The following AP1M2 variants were observed in gnomAD, a reference collection of about 807,000 sequenced individuals.
AP1M2 encodes AP-1 complex subunit mu-2.
In AP1M2, 41 loss-of-function variants were observed where a neutral mutation model predicts 54.6. The ratio of observed to expected loss-of-function variants is 0.75; its 90% confidence interval spans 0.59 to 0.97. The LOEUF (loss-of-function observed/expected upper bound fraction) is 0.97. Among genes scored for constraint, AP1M2 ranks in the 50% least tolerant of loss-of-function variants. The pLI, the probability that AP1M2 is intolerant of heterozygous loss-of-function variation, is 0.00. For synonymous variants in AP1M2, 219 were observed against 215.9 expected, an observed-to-expected ratio of 1.01 and a Z score of -0.13; for missense variants, 507 against 561.2, an observed-to-expected ratio of 0.90 and a Z score of 0.98.
chr19:10,581,976 C>T (rs1019223000), intron 3 of AP1M2, 98 bp from the exon 4 acceptor site: 27 of 1,348,600 alleles, frequency 2.0e-5, no homozygotes, highest in Admixed American at 5.2e-5. Context: ...GGCCAAGGCA[C>T]GAGGATCACT....
chr19:10,572,714 C>T lies in AP1M2; in HGVS notation c.*352G>A, dbSNP rs567505146. 2.4e-5 allele frequency: 6 copies of T among 250,338 alleles called. No individual in the cohort carries two copies. In the South Asian group the frequency reaches 4.0e-4, roughly 17 times the overall value. The allele number at this position is 250,338 out of a possible 1,614,324, so 15.5% of individuals were successfully genotyped here. A position where few individuals can be genotyped will look rare whatever the true frequency, so the allele number is the denominator to read the frequency against. On this transcript the variant is annotated 3_prime_UTR_variant, in exon 12 of 12. Transcript: ENST00000250244. The stretch of plus-strand genomic sequence containing the variant: ...GACATCCTAAAATTCAGAGGAGGGG[C>T]CAGCGGGACCTCTGGGCTCAGCGGC...
At chr19:10,577,161 T>A in intron 9 of AP1M2, 37 bp downstream of exon 9, 134 of 1,401,006 alleles carry the variant, frequency 9.6e-5, no homozygotes, top group Non-Finnish European at 1.2e-4. Flanking sequence ...TCCAGTCCCC[T>A]CCACCCCCAG....
chr19:10,575,039 C>G lies in AP1M2; in HGVS notation c.1048-10G>C. 6.7e-7 allele frequency: 1 copy of G among 1,488,992 alleles called. No homozygotes were observed. Among genetic ancestry groups the G allele is most frequent in the South Asian group, 1.4e-5 (1 of 73,566 alleles). 92.2% of individuals were successfully genotyped at this position (1,488,992 alleles called of 1,614,324 possible). The stretch of plus-strand genomic sequence containing the variant: ...AGTACTCCTTGCCCCCCTGAGGGAA[C>G]ATGGGGGCATCAGGTACACGAGGGT... On this transcript the variant is annotated splice_polypyrimidine_tract_variant and intron_variant, in intron 9 of 11. Transcript: ENST00000250244.
chr19:10,581,357 G>A lies in AP1M2; in HGVS notation c.582C>T (p.Ile194=), dbSNP rs375519564. Residue 194 remains isoleucine, a synonymous_variant, in exon 6 of 12, where the codon ATC becomes ATT. Transcript: ENST00000250244. ...ACACCTTGAGCTTGATGGTACCGAC[G>A]ATTTCGCTCAGAAGGACGCTGCCGT... ...NANGSVLLSE[I]VGTIKLKVFL... The A allele has an allele frequency of 6.2e-6, 10 of 1,613,240 alleles. No individual in the cohort carries two copies. Among genetic ancestry groups the A allele is most frequent in the Admixed American group, 1.7e-5 (1 of 59,974 alleles).
chr19:10,581,840 G>A lies in AP1M2; in HGVS notation c.306C>T (p.Ser102=), dbSNP rs761877447. 4.3e-6 allele frequency: 7 copies of A among 1,613,794 alleles called. No homozygotes were observed. The highest frequency in any genetic ancestry group is 5.9e-6 in the Non-Finnish European group (7 of 1,179,952). ...AGACGATGACAAAGTTGTCCCGGAT[G>A]CTCTCCTCCTCCAGCTCCTTGAAGT... ...CEYFKELEEE[S]IRDNFVIVYE... Residue 102 remains serine, a synonymous_variant, in exon 4 of 12, where the codon AGC becomes AGT. Transcript: ENST00000250244.
chr19:10,583,173 GGTC>G (rs1372752700), intron 3 of AP1M2, among the ~76,000 whole-genome samples: 1 of 151,618 alleles, frequency 6.6e-6, no homozygotes, highest in Non-Finnish European at 1.5e-5. Flanking sequence ...ACTTGCTCAA[GGTC>G]ACACAGTGAG....
At chr19:10,578,082 A>G (rs1212773393) in intron 8 of AP1M2, among the ~76,000 whole-genome samples, 1 of 152,128 alleles carries the variant, frequency 6.6e-6, no homozygotes, top group Non-Finnish European at 1.5e-5. Context: ...TGCTGTCCAC[A>G]TGGAAGGCAC....
intron 8 of AP1M2, among the ~76,000 whole-genome samples, chr19:10,578,063 G>A (rs984981811): frequency 1.3e-5 from 2 of 152,140 alleles, no homozygotes; most frequent in Admixed American, 6.6e-5. Flanking sequence ...ATCAGGCAAA[G>A]GTGTATGGTG....
At position 10,583,613 on chromosome 19, in the gene AP1M2, G is replaced by C; in HGVS notation, c.260C>G (p.Thr87Arg). 1.9e-6 allele frequency: 3 copies of C among 1,611,328 alleles called. No individual in the cohort carries two copies. The South Asian group carries it at 3.3e-5, about 18-fold the overall frequency. The change falls in exon 3 of 12, where the codon ACA becomes AGA. Residue 87 changes from threonine (T) to arginine (R), a missense_variant. Thr to Arg is a moderately conservative substitution (Grantham distance 71). Coordinates refer to ENST00000250244, the MANE Select transcript of AP1M2 (RefSeq NM_005498.5). ...ASLVYSFLYK[T>R]IEVFCEYFKE... Reference sequence around the variant, plus strand: ...TGGGAGGCTAGTACCTACCTCTATTGTCTTATACAGGAAGGAGTACACCAG... The same window carrying C: ...TGGGAGGCTAGTACCTACCTCTATTCTCTTATACAGGAAGGAGTACACCAG...
chr19:10,584,715 A>G (rs1269244116), intron 1 of AP1M2, among the ~76,000 whole-genome samples: 2 of 152,044 alleles, frequency 1.3e-5, no homozygotes, highest in African/African-American at 4.8e-5. Context: ...AAAAGAGTAG[A>G]TGTTTACTAA....
In AP1M2 at chr19:10,585,294, A is replaced by AGAAAGAAGGAAG. The variant is rs748630684; in HGVS notation, c.43-1225_43-1224insCTTCCTTCTTTC. 1.5e-4 allele frequency among the ~76,000 whole-genome samples: 17 copies of AGAAAGAAGGAAG among 114,954 alleles called. 1 individual carries two copies. Among genetic ancestry groups the AGAAAGAAGGAAG allele is most frequent in the South Asian group, 8.0e-4 (3 of 3,734 alleles). The allele number at this position is 114,954 out of a possible 152,430, so 75.4% of individuals were successfully genotyped here. ...AAAGAAAGAAGAAAAAAAGAAAGAA[A>AGAAAGAAGGAAG]GAAAGAAAGAAAGAAAGAAAGAAAG... On this transcript the variant is annotated intron_variant, in intron 1 of 11. Transcript: ENST00000250244.
intron 9 of AP1M2, 124 bp from the exon 10 acceptor site, chr19:10,575,153 C>T (rs2080053359): frequency 8.8e-7 from 1 of 1,130,654 alleles, no homozygotes; most frequent in South Asian, 2.6e-5. Context: ...ATAAAGGCTC[C>T]TTAGCCTGGG....
rs375300415 is a variant in AP1M2, at chr19:10,581,828, G to A, written c.318C>T (p.Asn106=). The change falls in exon 4 of 12, where the codon AAC becomes AAT. Residue 106 remains asparagine (N), a synonymous_variant. Coordinates refer to ENST00000250244, the MANE Select transcript of AP1M2 (RefSeq NM_005498.5). ...CCAGCAACTCGTAGACGATGACAAA[G>A]TTGTCCCGGATGCTCTCCTCCTCCA... ...KELEEESIRD[N]FVIVYELLDE... is the part of the protein sequence containing the mutation. 69 of 1,613,882 alleles carry A rather than the reference G, an allele frequency of 4.3e-5. No individual in the cohort carries two copies. The Middle Eastern group carries it at 2.0e-3, about 46-fold the overall frequency.
At chr19:10,583,822 C>G in intron 2 of AP1M2, 92 bp downstream of exon 2, 1 of 1,509,710 alleles carries the variant, frequency 6.6e-7, no homozygotes, top group Non-Finnish European at 8.9e-7. Context: ...CGGTGCAACT[C>G]CTGTCCTCAG....
rs1234650702 is a variant in AP1M2, at chr19:10,575,160, T to C, written c.1048-131A>G. ...ACAGGAAAATAAAGGCTCCTTAGCC[T>C]GGGCAACATATTGAGATACCATGTC... On this transcript the variant is annotated intron_variant, in intron 9 of 11. Coordinates refer to ENST00000250244, the MANE Select transcript of AP1M2 (RefSeq NM_005498.5). The C allele has an allele frequency of 8.5e-6, 9 of 1,055,040 alleles. No homozygotes were observed. The South Asian group carries it at 1.9e-4, about 22-fold the overall frequency. The allele number at this position is 1,055,040 out of a possible 1,614,324, so 65.4% of individuals were successfully genotyped here.
rs180826236 is a variant in AP1M2 at position 10,574,380 on chromosome 19, C to T, written c.1249+37G>A. The T allele has an allele frequency of 3.9e-5, 58 of 1,504,134 alleles. No homozygotes were observed. In the African/African-American group the frequency reaches 7.6e-4, roughly 20 times the overall value. The allele number at this position is 1,504,134 out of a possible 1,614,324, so 93.2% of individuals were successfully genotyped here. On this transcript the variant is annotated intron_variant, in intron 11 of 11. Coordinates refer to ENST00000250244, the MANE Select transcript of AP1M2 (RefSeq NM_005498.5). The stretch of plus-strand genomic sequence containing the variant: ...CTCGAGTCCCTACCCACTGCCTTTC[C>T]CTCACCCCATTGTCCCCAGGAGCTG...
Position 10,581,882 on chromosome 19 carries a change from G to A in AP1M2, c.268-4C>T. On this transcript the variant is annotated splice_region_variant and splice_polypyrimidine_tract_variant and intron_variant, in intron 3 of 11. Coordinates refer to ENST00000250244, the MANE Select transcript of AP1M2 (RefSeq NM_005498.5). ...CCTTGAAGTATTCGCAGAATACCTGGGGGTTGGAGGAGAGAGAGACCCACA... is the reference window on the plus strand; with the variant it reads ...CCTTGAAGTATTCGCAGAATACCTGAGGGTTGGAGGAGAGAGAGACCCACA... 6.3e-7 allele frequency: 1 copy of A among 1,598,694 alleles called. No homozygotes were observed. The highest frequency in any genetic ancestry group is 8.5e-7 in the Non-Finnish European group (1 of 1,172,374).
intron 10 of AP1M2, 106 bp from the exon 11 acceptor site, chr19:10,574,598 A>C (rs1204254465): frequency 1.0e-6 from 1 of 983,646 alleles, no homozygotes; most frequent in East Asian, 2.6e-5. Context: ...ACAGGCTGGG[A>C]TCGATGAGGG....
chr19:10,577,397 C>A, intron 8 of AP1M2, 41 bp from the exon 9 acceptor site: 1 of 1,162,484 alleles, frequency 8.6e-7, no homozygotes, highest in Non-Finnish European at 1.2e-6. Context: ...AATTCGCTTG[C>A]TCATCCTTCA....
Sources: allele counts gnomAD v4.1 joint callset (sites outside exome capture counted in the v4.1 genomes callset), GRCh38; gene constraint gnomAD v4.1.1; transcripts MANE v1.5; gene names NCBI Gene and HGNC (gene_info 2026-07-23, HGNC 2026-07-21).